The following EFCAB13 variants were observed in gnomAD, a reference collection of about 807,000 sequenced individuals.
EFCAB13 encodes the protein EF-hand calcium binding domain 13, also known as EF-hand calcium-binding domain-containing protein 13.
In EFCAB13, 91 loss-of-function variants were observed where a neutral mutation model predicts 110.2. That is an observed-to-expected ratio of 0.83 (90% confidence interval 0.70 to 0.98). The LOEUF is 0.98. EFCAB13 is among the 50% of genes least tolerant of loss of function. The pLI is 0.00. For missense variants in EFCAB13, 968 were observed against 1,119.4 expected (o/e 0.86, Z 1.93); for synonymous variants, 323 against 369.9 (o/e 0.87, Z 1.45).
In EFCAB13 at chr17:47,370,584, T is replaced by C. The variant is rs1252522418; in HGVS notation, c.877+76T>C. The C allele has an allele frequency of 3.9e-6, 4 of 1,022,840 alleles. No individual in the cohort carries two copies. In the African/African-American group the frequency reaches 5.0e-5, roughly 13 times the overall value. 63.4% of individuals were successfully genotyped at this position (1,022,840 alleles called of 1,614,324 possible). A position where few individuals can be genotyped will look rare whatever the true frequency, so the allele number is the denominator to read the frequency against. ...TACATTAAATCTTAATTTATAAGTT[T>C]TATTTTATAAAGGGTTTTGAAAACC... On this transcript the variant is annotated intron_variant, in intron 11 of 24. Transcript: ENST00000331493.
intron 7 of EFCAB13, 52 bp downstream of exon 7, chr17:47,344,344 G>A: frequency 6.4e-7 from 1 of 1,573,682 alleles, no homozygotes; most frequent in African/African-American, 1.4e-5. Flanking sequence ...AGACTTGGGT[G>A]TTTCTCTCCA....
intron 10 of EFCAB13, among the ~76,000 whole-genome samples, chr17:47,364,250 T>C (rs2065532925): frequency 6.6e-6 from 1 of 152,194 alleles, no homozygotes; most frequent in Non-Finnish European, 1.5e-5. Context: ...TTATTTAAAG[T>C]CTTAGATACA....
chr17:47,338,243 G>GTTTTTT (rs11334311), intron 5 of EFCAB13, among the ~76,000 whole-genome samples: 6 of 137,794 alleles, frequency 4.4e-5, no homozygotes, highest in Non-Finnish European at 6.3e-5. Flanking sequence ...GTCACTACTA[G>GTTTTTT]TTTTTTTTTT....
rs530699631 is a variant in EFCAB13, at chr17:47,426,628, A to G, written c.2495-3190A>G. Among the ~76,000 whole-genome samples the G allele has an allele frequency of 5.9e-5, 9 of 152,308 alleles. No homozygotes were observed. The South Asian group carries it at 1.9e-3, about 32-fold the overall frequency. On this transcript the variant is annotated intron_variant, in intron 23 of 24. Transcript: ENST00000331493. ...TTTAATCTTTATATTTAACTTATAA[A>G]TTTTGCTTTCTATGGAAATAAATTT...
At chr17:47,345,290 G>A (rs992924724) in intron 8 of EFCAB13, among the ~76,000 whole-genome samples, 192 bp downstream of exon 8, 15 of 152,082 alleles carry the variant, frequency 9.9e-5, no homozygotes, top group Non-Finnish European at 2.1e-4. Flanking sequence ...ATCTTTGGTT[G>A]TATTGGTAAG....
chr17:47,411,515 A>G (rs72829628), intron 21 of EFCAB13, among the ~76,000 whole-genome samples: 9,557 of 152,246 alleles, frequency 0.063, 362 homozygotes, highest in East Asian at 0.17. Context: ...TATATGATAT[A>G]TTATAATTTT....
At chr17:47,407,173 C>T (rs1039070466) in intron 20 of EFCAB13, among the ~76,000 whole-genome samples, 3 of 152,052 alleles carry the variant, frequency 2.0e-5, no homozygotes, top group East Asian at 1.9e-4. Context: ...TGAAATGGTG[C>T]GCTTATTAAC....
chr17:47,361,108 A>G (rs953163753), intron 9 of EFCAB13, among the ~76,000 whole-genome samples: 4 of 152,162 alleles, frequency 2.6e-5, no homozygotes, highest in Non-Finnish European at 5.9e-5. Context: ...CATGCTGAAT[A>G]TTTCCTTCTG....
At chr17:47,439,734 G>A (rs561388413) in intron 24 of EFCAB13, among the ~76,000 whole-genome samples, 2 of 151,830 alleles carry the variant, frequency 1.3e-5, no homozygotes, top group African/African-American at 4.8e-5. Context: ...CCCCTAAGAA[G>A]CCTTTATAGA....
At chr17:47,418,927 A>G (rs543532797) in intron 23 of EFCAB13, among the ~76,000 whole-genome samples, 1 of 152,322 alleles carries the variant, frequency 6.6e-6, no homozygotes, top group Non-Finnish European at 1.5e-5. Context: ...TTATATCAAT[A>G]TCACATACTT....
chr17:47,334,430 T>C (rs1297026255), intron 4 of EFCAB13, among the ~76,000 whole-genome samples: 4 of 152,252 alleles, frequency 2.6e-5, no homozygotes, highest in African/African-American at 9.6e-5. Flanking sequence ...CTTGATATGG[T>C]GTCTTTCACA....
chr17:47,371,062 G>GTTT (rs779767798), intron 11 of EFCAB13, among the ~76,000 whole-genome samples: 21 of 108,838 alleles, frequency 1.9e-4, no homozygotes, highest in Admixed American at 4.6e-4. Context: ...TTTAATGGTT[G>GTTT]TTTTTTTTTT....
intron 5 of EFCAB13, among the ~76,000 whole-genome samples, chr17:47,339,044 A>G (rs531079472): frequency 1.3e-5 from 2 of 152,286 alleles, no homozygotes; most frequent in East Asian, 3.9e-4. Context: ...GGTACTTGCT[A>G]AAGAAAGGGA....
At chr17:47,440,004 G>A (rs926968420) in intron 24 of EFCAB13, among the ~76,000 whole-genome samples, 14 of 151,854 alleles carry the variant, frequency 9.2e-5, no homozygotes, top group Admixed American at 2.0e-4. Context: ...ACATGTATGA[G>A]TAATATTGGT....
chr17:47,414,376 A>G (rs1056556763), intron 22 of EFCAB13, among the ~76,000 whole-genome samples: 3 of 152,038 alleles, frequency 2.0e-5, no homozygotes, highest in African/African-American at 7.3e-5. Flanking sequence ...TGACTTTGTG[A>G]CCTGGACAAG....
Position 47,361,448 on chromosome 17 carries a change from T to A in EFCAB13, c.732T>A (p.Ala244=). 1 of 1,614,004 alleles carries A rather than the reference T, an allele frequency of 6.2e-7. No individual in the cohort carries two copies. The highest frequency in any genetic ancestry group is 1.1e-5 in the South Asian group (1 of 91,080). Residue 244 remains alanine, a synonymous_variant, in exon 10 of 25, where the codon GCT becomes GCA. Coordinates refer to ENST00000331493, the MANE Select transcript of EFCAB13 (RefSeq NM_152347.5). ...GAGTTTCAACTGATGACGTGTTTGC[T>A]GTTTTGGATAGCATGGGTATCCCTA... ...GGRVSTDDVF[A]VLDSMGIPIN...
rs1403816406 is a variant in EFCAB13, at chr17:47,404,618, T to A, written c.2218T>A (p.Phe740Ile). 1.2e-6 allele frequency: 2 copies of A among 1,612,108 alleles called. No homozygotes were observed. Among genetic ancestry groups the A allele is most frequent in the Non-Finnish European group, 1.7e-6 (2 of 1,178,776 alleles). The change falls in exon 20 of 25, where the codon TTT becomes ATT. Residue 740 changes from phenylalanine to isoleucine, a missense_variant. Transcript: ENST00000331493. ...CMRALRDTQK[F>I]SNYIDFRKEA... is the part of the protein sequence containing the mutation. ...GAGGGCTTTGAGGGACACCCAGAAA[T>A]TTTCCAATTATATTGGTAAGAGCTT...
chr17:47,338,771 A>G (rs955776479), intron 5 of EFCAB13, among the ~76,000 whole-genome samples: 1 of 152,070 alleles, frequency 6.6e-6, no homozygotes, highest in East Asian at 1.9e-4. Flanking sequence ...ATCTAATCAT[A>G]TGGCAGCTTC....
At chr17:47,397,919 T>TGG (rs1476146581) in intron 17 of EFCAB13, among the ~76,000 whole-genome samples, 3 of 140,146 alleles carry the variant, frequency 2.1e-5, no homozygotes, top group African/African-American at 8.0e-5. Context: ...GGGAGGGAGG[T>TGG]GGGGGTCAGC....
Sources: gnomAD v4.1 joint callset for allele counts (sites outside exome capture counted in the v4.1 genomes callset) on GRCh38, gnomAD v4.1.1 for gene constraint, MANE v1.5 for transcripts, NCBI Gene and HGNC (gene_info 2026-07-23, HGNC 2026-07-21) for gene names.